IQCK: variants seen among roughly 807,000 people sequenced by gnomAD.
IQCK encodes IQ motif containing K.
Under a neutral mutation model 28.1 loss-of-function variants are expected in IQCK, and 29 were observed. The observed-to-expected ratio is 1.03, with a 90% CI of 0.77 to 1.41. IQCK has a LOEUF of 1.41. Among genes scored for constraint, IQCK ranks in the 40% most tolerant of loss-of-function variants. The pLI is 0.00. For missense variants in IQCK, 359 were observed against 314.7 expected, an observed-to-expected ratio of 1.14 and a Z score of -1.07; for synonymous variants, 113 against 115.1, an observed-to-expected ratio of 0.98 and a Z score of 0.12.
chr16:19,852,767 T>G (rs1306082275), intron 9 of IQCK, among the ~76,000 whole-genome samples: 1 of 151,672 alleles, frequency 6.6e-6, no homozygotes, highest in African/African-American at 2.4e-5. Flanking sequence ...GGACTACAGG[T>G]GCCCGCCACC....
intron 6 of IQCK, among the ~76,000 whole-genome samples, chr16:19,766,836 G>A (rs865825773): frequency 1.3e-5 from 2 of 152,204 alleles, no homozygotes; most frequent in East Asian, 3.9e-4. Context: ...TTGGGAGGCC[G>A]AGGTGGGTAG....
chr16:19,823,123 AC>A (rs1419989869), intron 7 of IQCK, among the ~76,000 whole-genome samples: 1 of 152,024 alleles, frequency 6.6e-6, no homozygotes, highest in Non-Finnish European at 1.5e-5. Flanking sequence ...GCAAGTTGAA[AC>A]TTGGGAGCCC....
At position 19,806,169 on chromosome 16, in the gene IQCK, CAGGAGCAGG is replaced by C. The variant is rs1597575645; in HGVS notation, c.690+17251_690+17259del. Among the ~76,000 whole-genome samples, 4 of 152,192 alleles carry C rather than the reference CAGGAGCAGG, an allele frequency of 2.6e-5. No individual in the cohort carries two copies. In the East Asian group the frequency reaches 7.7e-4, roughly 29 times the overall value. On this transcript the variant is annotated intron_variant, in intron 7 of 7. Coordinates refer to ENST00000564186, the Ensembl canonical transcript of IQCK. ...AAGGAAAAGCACATGCAAAGGCCTG[CAGGAGCAGG>C]AGGGTGCTGGATGTATTGAGGACCA...
chr16:19,748,356 T>C (rs2151696720), intron 4 of IQCK, among the ~76,000 whole-genome samples: 1 of 152,294 alleles, frequency 6.6e-6, no homozygotes, highest in East Asian at 1.9e-4. Context: ...ATTACAGGCA[T>C]GAGACACCGA....
At chr16:19,841,361 C>T (rs1224992683) in intron 9 of IQCK, among the ~76,000 whole-genome samples, 2 of 152,142 alleles carry the variant, frequency 1.3e-5, no homozygotes, top group African/African-American at 2.4e-5. Flanking sequence ...ATTTTCTTCT[C>T]GTGGCATCCA....
At chr16:19,838,911 C>T (rs544290583) in intron 9 of IQCK, among the ~76,000 whole-genome samples, 115 of 145,100 alleles carry the variant, frequency 7.9e-4, no homozygotes, top group Non-Finnish European at 1.5e-3. Flanking sequence ...CCCAGCTACT[C>T]GGGAGGCTGG....
intron 1 of IQCK, among the ~76,000 whole-genome samples, chr16:19,726,109 T>C (rs1597494885): frequency 6.6e-6 from 1 of 151,988 alleles, no homozygotes; most frequent in Admixed American, 6.6e-5. Flanking sequence ...AGAGACGGGG[T>C]TTCATCGTGT....
intron 1 of IQCK, among the ~76,000 whole-genome samples, chr16:19,719,713 C>T (rs1000521338): frequency 3.1e-5 from 4 of 128,736 alleles, no homozygotes; most frequent in Non-Finnish European, 4.7e-5. Context: ...GTTGCTCTGT[C>T]GCCCAGGCTG....
chr16:19,848,009 C>T (rs950225332), intron 9 of IQCK, among the ~76,000 whole-genome samples: 3 of 152,104 alleles, frequency 2.0e-5, no homozygotes, highest in East Asian at 1.9e-4. Context: ...GTTTTTTGAC[C>T]GATGTAAATA....
chr16:19,820,219 A>T (rs1459685750), intron 7 of IQCK, among the ~76,000 whole-genome samples: 1 of 152,084 alleles, frequency 6.6e-6, no homozygotes, highest in Non-Finnish European at 1.5e-5. Context: ...AGAAAAAAAA[A>T]TAGATAATTT....
intron 9 of IQCK, among the ~76,000 whole-genome samples, chr16:19,851,546 G>A (rs570261521): frequency 6.6e-6 from 1 of 152,304 alleles, no homozygotes; most frequent in South Asian, 2.1e-4. Context: ...GTCACTCACA[G>A]GAACAGGAGA....
At chr16:19,802,158 C>CT (rs2055768698) in intron 7 of IQCK, among the ~76,000 whole-genome samples, 1 of 64,858 alleles carries the variant, frequency 1.5e-5, no homozygotes, top group South Asian at 6.5e-4. Context: ...AAGACAAAGA[C>CT]TTATTTTTTT....
chr16:19,775,387 C>A (rs1203207982), intron 6 of IQCK, among the ~76,000 whole-genome samples: 1 of 152,142 alleles, frequency 6.6e-6, no homozygotes, highest in Non-Finnish European at 1.5e-5. Context: ...AAGGCAACTA[C>A]TTCCTTCTGT....
chr16:19,776,087 G>C (rs1386180718), intron 6 of IQCK, among the ~76,000 whole-genome samples: 1 of 151,832 alleles, frequency 6.6e-6, no homozygotes, highest in Non-Finnish European at 1.5e-5. Context: ...CACTATGTTA[G>C]CGAGACTGGT....
intron 9 of IQCK, among the ~76,000 whole-genome samples, chr16:19,839,144 AATTTATTT>A (rs147206898): frequency 7.4e-5 from 11 of 148,934 alleles, no homozygotes; most frequent in South Asian, 2.2e-4. Context: ...GAACTGAGAA[AATTTATTT>A]ATTTATTTAT....
intron 7 of IQCK, among the ~76,000 whole-genome samples, chr16:19,803,908 A>G (rs1450019179): frequency 6.6e-6 from 1 of 152,186 alleles, no homozygotes; most frequent in Non-Finnish European, 1.5e-5. Context: ...TTGGCCCCCC[A>G]AAGTGCTGGG....
intron 1 of IQCK, among the ~76,000 whole-genome samples, chr16:19,724,900 A>G (rs1468986577): frequency 6.6e-6 from 1 of 152,028 alleles, no homozygotes; most frequent in Non-Finnish European, 1.5e-5. Context: ...AGAAAGCCCA[A>G]CTCATAATGG....
chr16:19,729,971 T>A (rs1280920551), intron 1 of IQCK, among the ~76,000 whole-genome samples: 1 of 151,130 alleles, frequency 6.6e-6, no homozygotes, highest in African/African-American at 2.4e-5. Context: ...AATTTTTTTT[T>A]AGATAGTCTC....
chr16:19,750,814 G>A (rs541546983), intron 4 of IQCK, among the ~76,000 whole-genome samples: 5 of 152,266 alleles, frequency 3.3e-5, no homozygotes, highest in African/African-American at 9.6e-5. Context: ...GCCTGGCACA[G>A]CTACAATGAA....
Sources: gnomAD v4.1 joint callset for allele counts (sites outside exome capture counted in the v4.1 genomes callset) on GRCh38, gnomAD v4.1.1 for gene constraint, MANE v1.5 for transcripts, NCBI Gene and HGNC (gene_info 2026-07-23, HGNC 2026-07-21) for gene names.